Variants in ANGPT1 observed in about 807,000 individuals in gnomAD.
The protein encoded by ANGPT1 is angiopoietin 1, also known as angiopoietin-1.
In ANGPT1, 17 loss-of-function variants were observed where a neutral mutation model predicts 62.2. That is an observed-to-expected ratio of 0.27 (90% CI 0.19 to 0.41). ANGPT1 has a LOEUF of 0.41. Ranked by LOEUF, ANGPT1 falls within the 10% of genes least tolerant of loss-of-function variation. The probability of loss-of-function intolerance (pLI) is 1.00; values close to 1 mark genes in which losing one functional copy is unlikely to be tolerated. For synonymous variants in ANGPT1, 199 were observed against 198.9 expected (o/e 1.00, Z 0.00); for missense variants, 478 against 594.9 (o/e 0.80, Z 2.04).
At chr8:107,493,637 G>A (rs1034979668) in intron 1 of ANGPT1, among the ~76,000 whole-genome samples, 1 of 150,384 alleles carries the variant, frequency 6.6e-6, no homozygotes, top group Non-Finnish European at 1.5e-5. Flanking sequence ...AGACAGTAAA[G>A]TGCAGAATGC....
intron 2 of ANGPT1, 108 bp downstream of exon 2, chr8:107,346,834 A>G: frequency 3.0e-6 from 3 of 1,003,898 alleles, no homozygotes; most frequent in African/African-American, 3.2e-5. Context: ...ACAAAAATGT[A>G]TGTTTCCCTA....
At chr8:107,339,719 G>A (rs776075312) in intron 2 of ANGPT1, among the ~76,000 whole-genome samples, 1 of 152,152 alleles carries the variant, frequency 6.6e-6, no homozygotes, top group Admixed American at 6.5e-5. Context: ...CCCCCTGGGG[G>A]CCTAGGACAC....
At chr8:107,449,201 G>A (rs116510494) in intron 1 of ANGPT1, among the ~76,000 whole-genome samples, 1 of 152,162 alleles carries the variant, frequency 6.6e-6, no homozygotes, top group African/African-American at 2.4e-5. Context: ...CATTGTTCTT[G>A]ATGCTGTAAT....
Position 107,251,893 on chromosome 8 carries a change from G to C in ANGPT1, c.1459C>G (p.Arg487Gly). 4 of 1,613,934 alleles carry C rather than the reference G, an allele frequency of 2.5e-6. No homozygotes were observed. Among genetic ancestry groups the C allele is most frequent in the Non-Finnish European group, 3.4e-6 (4 of 1,179,878 alleles). ...HYFKGPSYSL[R>G]STTMMIRPLD... ...GGTCGAATCATCATAGTTGTGGAACGTAAGGAGTAACTGGGCCCTTTGAAG... is the reference window on the plus strand; with the variant it reads ...GGTCGAATCATCATAGTTGTGGAACCTAAGGAGTAACTGGGCCCTTTGAAG... The change falls in exon 9 of 9, where the codon CGT becomes GGT. Residue 487 changes from arginine to glycine, a missense_variant. Physicochemically the swap from Arg to Gly is moderately radical, Grantham distance 125. Around this residue, in one of 4 missense-constraint regions of ANGPT1, gnomAD observed 35 missense variants for 49.6 expected, o/e 0.71. Transcript: ENST00000517746.
chr8:107,365,262 A>G (rs1816248304), intron 1 of ANGPT1, among the ~76,000 whole-genome samples: 1 of 152,216 alleles, frequency 6.6e-6, no homozygotes, highest in African/African-American at 2.4e-5. Context: ...ACATTTATTC[A>G]TATGGTTCAC....
At chr8:107,325,847 T>A (rs1815274548) in intron 3 of ANGPT1, among the ~76,000 whole-genome samples, 1 of 152,058 alleles carries the variant, frequency 6.6e-6, no homozygotes, top group South Asian at 2.1e-4. Flanking sequence ...CTATCTGAGA[T>A]GTCAGTAAAG....
chr8:107,467,925 C>T (rs922593610), intron 1 of ANGPT1, among the ~76,000 whole-genome samples: 1 of 152,086 alleles, frequency 6.6e-6, no homozygotes. Flanking sequence ...TGTTAGACAG[C>T]ATTAAATCCC....
rs1223611090 is a variant in ANGPT1 at position 107,370,397 on chromosome 8, A to G, written c.298-23300T>C. On this transcript the variant is annotated intron_variant, in intron 1 of 8. Coordinates refer to ENST00000517746, the MANE Select transcript of ANGPT1 (RefSeq NM_001146.5). ...GAAAGAAAGAAAGAAAGAAAGAAAGAAAGAAAGAAAGAGTCAGGGTCAGTG... is the reference window on the plus strand; with the variant it reads ...GAAAGAAAGAAAGAAAGAAAGAAAGGAAGAAAGAAAGAGTCAGGGTCAGTG... 8.1e-4 allele frequency among the ~76,000 whole-genome samples: 39 copies of G among 48,028 alleles called. 6 individuals are homozygous for G. Among genetic ancestry groups the G allele is most frequent in the African/African-American group, 1.5e-3 (35 of 23,158 alleles). The allele number at this position is 48,028 out of a possible 152,430, so 31.5% of individuals were successfully genotyped here.
chr8:107,300,738 T>C (rs1034185876), intron 5 of ANGPT1, among the ~76,000 whole-genome samples: 3 of 152,052 alleles, frequency 2.0e-5, no homozygotes, highest in African/African-American at 4.8e-5. Flanking sequence ...GTTAATTCAG[T>C]AGGTACTTGA....
chr8:107,412,056 T>G (rs1810596725), intron 1 of ANGPT1, among the ~76,000 whole-genome samples: 1 of 152,294 alleles, frequency 6.6e-6, no homozygotes, highest in East Asian at 1.9e-4. Flanking sequence ...CTGCATCATC[T>G]TGGCCTTGAC....
At chr8:107,257,431 C>T (rs1195272613) in intron 8 of ANGPT1, among the ~76,000 whole-genome samples, 1 of 152,162 alleles carries the variant, frequency 6.6e-6, no homozygotes, top group Non-Finnish European at 1.5e-5. Flanking sequence ...ACTTTGTACT[C>T]AGGAAGTTCA....
intron 7 of ANGPT1, among the ~76,000 whole-genome samples, chr8:107,281,852 T>C (rs7829652): frequency 0.78 from 118,353 of 151,974 alleles, 46,506 homozygotes; most frequent in Middle Eastern, 0.85. Context: ...AATCATTTCA[T>C]AGGTTATGGA....
At chr8:107,408,541 T>C (rs764633618) in intron 1 of ANGPT1, among the ~76,000 whole-genome samples, 7 of 152,152 alleles carry the variant, frequency 4.6e-5, no homozygotes, top group Non-Finnish European at 8.8e-5. Flanking sequence ...GGCTCTGCTG[T>C]CTTTATGAAC....
chr8:107,335,876 A>C (rs1041963845), intron 3 of ANGPT1, among the ~76,000 whole-genome samples: 4 of 138,756 alleles, frequency 2.9e-5, no homozygotes, highest in African/African-American at 1.0e-4. Flanking sequence ...ATTTTTGTAG[A>C]TATGGTGAGA....
intron 1 of ANGPT1, among the ~76,000 whole-genome samples, chr8:107,372,564 T>C (rs1816437678): frequency 6.6e-6 from 1 of 152,084 alleles, no homozygotes; most frequent in Admixed American, 6.6e-5. Context: ...GATTTGGCCA[T>C]ATTTTCAAAA....
intron 1 of ANGPT1, among the ~76,000 whole-genome samples, chr8:107,479,637 C>A (rs1812623329): frequency 6.6e-6 from 1 of 152,112 alleles, no homozygotes; most frequent in African/African-American, 2.4e-5. Context: ...AAACTTACAG[C>A]CTAAACATGA....
rs116543668 is a variant in ANGPT1 at position 107,352,028 on chromosome 8, G to C, written c.298-4931C>G. On this transcript the variant is annotated intron_variant, in intron 1 of 8. Transcript: ENST00000517746. Reference sequence around the variant, plus strand: ...TAAGTAAACTGTCTAAGATCATACAGTGGGTTTTTGGCAGAGCTGGTATGT... The same window carrying C: ...TAAGTAAACTGTCTAAGATCATACACTGGGTTTTTGGCAGAGCTGGTATGT... 3.8e-3 allele frequency among the ~76,000 whole-genome samples: 582 copies of C among 152,272 alleles called. 6 individuals carry two copies. The highest frequency in any genetic ancestry group is 0.013 in the African/African-American group (560 of 41,572).
intron 5 of ANGPT1, among the ~76,000 whole-genome samples, chr8:107,296,280 A>G (rs1443289740): frequency 6.6e-6 from 1 of 152,038 alleles, no homozygotes; most frequent in African/African-American, 2.4e-5. Flanking sequence ...ATTTCTTTCA[A>G]TTGACTGCTG....
chr8:107,379,453 A>C (rs988563948), intron 1 of ANGPT1, among the ~76,000 whole-genome samples: 27 of 152,200 alleles, frequency 1.8e-4, no homozygotes, highest in African/African-American at 6.5e-4. Context: ...CAAGCATTAC[A>C]GCACTGTTTG....
Sources: gnomAD v4.1 joint callset for allele counts (sites outside exome capture counted in the v4.1 genomes callset) on GRCh38, gnomAD v4.1.1 for gene constraint, gnomAD v4.1.1 regional missense constraint, MANE v1.5 for transcripts, NCBI Gene and HGNC (gene_info 2026-07-23, HGNC 2026-07-21) for gene names.